Variants in TPD52L2 observed in about 807,000 individuals in gnomAD.
TPD52L2 encodes the protein tumor protein D54.
Under a neutral mutation model 24.7 loss-of-function variants are expected in TPD52L2, and 19 were observed. The ratio of observed to expected loss-of-function variants is 0.77; its 90% CI spans 0.54 to 1.13. The LOEUF is 1.13. Among genes scored for constraint, TPD52L2 ranks in the 50% most tolerant of loss-of-function variants. The pLI is 0.00. For synonymous variants in TPD52L2, 104 were observed against 100.2 expected (o/e 1.04, Z -0.23); for missense variants, 236 against 250.4 (o/e 0.94, Z 0.39).
Position 63,865,374 on chromosome 20 carries a change from C to T in TPD52L2, c.9C>T (p.Ser3=), listed in dbSNP as rs1403738211. Residue 3 remains serine, a synonymous_variant, in exon 1 of 7, where the codon TCC becomes TCT. Transcript: ENST00000346249. ...CCGGACGCCGCCCGAACATGGACTC[C>T]GCCGGCCAAGGTACCTGCCGGGCCC... The part of the protein sequence containing the change: MD[S]AGQDINLNSP... 4 of 1,530,224 alleles carry T rather than the reference C, an allele frequency of 2.6e-6. No individual in the cohort carries two copies. Among genetic ancestry groups the T allele is most frequent in the Admixed American group, 4.0e-5 (2 of 50,344 alleles). The allele number at this position is 1,530,224 out of a possible 1,614,324, so 94.8% of individuals were successfully genotyped here. A position where few individuals can be genotyped will look rare whatever the true frequency, so the allele number is the denominator to read the frequency against.
intron 5 of TPD52L2, among the ~76,000 whole-genome samples, chr20:63,885,336 A>T (rs553938333): frequency 6.5e-4 from 99 of 152,192 alleles, no homozygotes; most frequent in Non-Finnish European, 1.3e-3. Flanking sequence ...GTGGTCTCAG[A>T]TGAGGCATCG....
In TPD52L2 at chr20:63,865,317, C is replaced by T. The variant is rs573187526; in HGVS notation, c.-49C>T. Reference sequence around the variant, plus strand: ...GCGGCGAGCTTCTCCCGGCGCCGCCCGCTCGGCTCCCATAGCGCCCGCGAC... The same window carrying T: ...GCGGCGAGCTTCTCCCGGCGCCGCCTGCTCGGCTCCCATAGCGCCCGCGAC... On this transcript the variant is annotated 5_prime_UTR_variant, in exon 1 of 7. Coordinates refer to ENST00000346249, the MANE Select transcript of TPD52L2 (RefSeq NM_003288.4). The T allele has an allele frequency of 1.1e-5, 17 of 1,501,924 alleles. No homozygotes were observed. Among genetic ancestry groups the T allele is most frequent in the Middle Eastern group, 1.8e-4 (1 of 5,492 alleles). 93.0% of individuals were successfully genotyped at this position (1,501,924 alleles called of 1,614,324 possible). A position where few individuals can be genotyped will look rare whatever the true frequency, so the allele number is the denominator to read the frequency against.
At chr20:63,886,432 C>T (rs555038296) in intron 5 of TPD52L2, among the ~76,000 whole-genome samples, 2 of 151,770 alleles carry the variant, frequency 1.3e-5, no homozygotes, top group East Asian at 3.9e-4. Flanking sequence ...GCGATCTCGG[C>T]TCACTGCAAG....
At position 63,869,323 on chromosome 20, in the gene TPD52L2, G is replaced by A. The variant is rs763250438; in HGVS notation, c.47G>A (p.Gly16Asp). ...ATCAACCTGAATTCTCCTAACAAAG[G>A]TCTGCTGTCTGACTCCATGACGGAT... ...QDINLNSPNK[G>D]LLSDSMTDVP... Residue 16 changes from glycine to aspartate, a missense_variant, in exon 2 of 7, where the codon GGT (glycine) becomes GAT (aspartate). Physicochemically the swap from Gly to Asp is moderately conservative, Grantham distance 94. Coordinates refer to ENST00000346249, the MANE Select transcript of TPD52L2 (RefSeq NM_003288.4). 6.2e-7 allele frequency: 1 copy of A among 1,614,200 alleles called. No homozygotes were observed. Among genetic ancestry groups the A allele is most frequent in the South Asian group, 1.1e-5 (1 of 91,084 alleles).
chr20:63,870,192 T>G (rs149677687), intron 2 of TPD52L2, among the ~76,000 whole-genome samples: 105 of 152,348 alleles, frequency 6.9e-4, no homozygotes, highest in African/African-American at 2.2e-3. Flanking sequence ...GAGAGTCCCT[T>G]AAGAGTAATG....
intron 4 of TPD52L2, 128 bp downstream of exon 4, chr20:63,876,003 A>G: frequency 8.6e-6 from 8 of 934,624 alleles, no homozygotes; most frequent in East Asian, 5.1e-5. Flanking sequence ...TTTTCTTCCT[A>G]TAACTTTTCT....
intron 2 of TPD52L2, among the ~76,000 whole-genome samples, chr20:63,870,909 A>G (rs2052439542): frequency 6.6e-6 from 1 of 151,776 alleles, no homozygotes; most frequent in Non-Finnish European, 1.5e-5. Flanking sequence ...GTAGAGACAG[A>G]GTTTCACCAT....
Position 63,865,271 on chromosome 20 carries a change from G to A in TPD52L2, c.-95G>A. 2.2e-6 allele frequency: 3 copies of A among 1,377,666 alleles called. No individual in the cohort carries two copies. Among genetic ancestry groups the A allele is most frequent in the Non-Finnish European group, 2.9e-6 (3 of 1,050,838 alleles). The allele number at this position is 1,377,666 out of a possible 1,614,324, so 85.3% of individuals were successfully genotyped here. Reference sequence around the variant, plus strand: ...TACGAAACGCCGCGGAGCTGAGGCAGTTCCGCTGGCTAGTGTGTACGCGGC... The same window carrying A: ...TACGAAACGCCGCGGAGCTGAGGCAATTCCGCTGGCTAGTGTGTACGCGGC... On this transcript the variant is annotated 5_prime_UTR_variant, in exon 1 of 7. Coordinates refer to ENST00000346249, the MANE Select transcript of TPD52L2 (RefSeq NM_003288.4).
Position 63,865,315 on chromosome 20 carries a change from C to G in TPD52L2, c.-51C>G. 2.7e-6 allele frequency: 4 copies of G among 1,501,166 alleles called. No homozygotes were observed. Among genetic ancestry groups the G allele is most frequent in the Non-Finnish European group, 3.5e-6 (4 of 1,131,112 alleles). 93.0% of individuals were successfully genotyped at this position (1,501,166 alleles called of 1,614,324 possible). A position where few individuals can be genotyped will look rare whatever the true frequency, so the allele number is the denominator to read the frequency against. On this transcript the variant is annotated 5_prime_UTR_variant, in exon 1 of 7. Coordinates refer to ENST00000346249, the MANE Select transcript of TPD52L2 (RefSeq NM_003288.4). ...ACGCGGCGAGCTTCTCCCGGCGCCG[C>G]CCGCTCGGCTCCCATAGCGCCCGCG... is the stretch of plus-strand genomic sequence containing the variant.
intron 1 of TPD52L2, 68 bp from the exon 2 acceptor site, chr20:63,869,228 A>G: frequency 1.9e-6 from 3 of 1,586,638 alleles, no homozygotes; most frequent in Non-Finnish European, 2.6e-6. Flanking sequence ...GTCCTGCTAG[A>G]GACCTCTACC....
chr20:63,887,319 A>G (rs914481228), intron 5 of TPD52L2: 2 of 620,144 alleles, frequency 3.2e-6, no homozygotes, highest in Non-Finnish European at 2.9e-6. Context: ...ACAGCTTCCT[A>G]TGGCAGTGCT....
At chr20:63,884,802 G>A (rs2053034924) in intron 5 of TPD52L2, among the ~76,000 whole-genome samples, 1 of 152,186 alleles carries the variant, frequency 6.6e-6, no homozygotes, top group South Asian at 2.1e-4. Context: ...CCAGCTGGGG[G>A]AGCGGGGCCT....
intron 1 of TPD52L2, among the ~76,000 whole-genome samples, chr20:63,866,566 A>G (rs1051471735): frequency 2.0e-5 from 3 of 151,470 alleles, no homozygotes; most frequent in Non-Finnish European, 4.4e-5. Context: ...GTTCACTGCC[A>G]TTCTCCTGCT....
rs780139052 is a variant in TPD52L2, at chr20:63,865,323, G to A, written c.-43G>A. ...AGCTTCTCCCGGCGCCGCCCGCTCG[G>A]CTCCCATAGCGCCCGCGACAGCGGT... is the stretch of plus-strand genomic sequence containing the variant. On this transcript the variant is annotated 5_prime_UTR_variant, in exon 1 of 7. Transcript: ENST00000346249. 76 of 1,511,778 alleles carry A rather than the reference G, an allele frequency of 5.0e-5. No individual in the cohort carries two copies. Among genetic ancestry groups the A allele is most frequent in the Non-Finnish European group, 6.2e-6 (7 of 1,135,808 alleles). 93.6% of individuals were successfully genotyped at this position (1,511,778 alleles called of 1,614,324 possible).
In TPD52L2 at chr20:63,877,032, GGT is replaced by G; in HGVS notation, c.374+1158_374+1159del. 1 of 443,352 alleles carries G rather than the reference GGT, an allele frequency of 2.3e-6. No individual in the cohort carries two copies. Among genetic ancestry groups the G allele is most frequent in the Non-Finnish European group, 4.5e-6 (1 of 223,940 alleles). 27.5% of individuals were successfully genotyped at this position (443,352 alleles called of 1,614,324 possible). ...TGCCCTGGGTTTTTTTTGTTTGTTTGGTTTTTTTTTTGAGACAACGTCTCGTT... is the reference window on the plus strand; with the variant it reads ...TGCCCTGGGTTTTTTTTGTTTGTTTGTTTTTTTTTGAGACAACGTCTCGTT... On this transcript the variant is annotated intron_variant, in intron 4 of 6. Transcript: ENST00000346249. The surrounding 1 kb of genome is among the most constrained non-coding windows in gnomAD (Gnocchi z 4.1).
intron 4 of TPD52L2, among the ~76,000 whole-genome samples, chr20:63,881,416 G>A (rs2052894860): frequency 6.6e-6 from 1 of 151,882 alleles, no homozygotes; most frequent in South Asian, 2.1e-4. Flanking sequence ...CCGGGGGCGG[G>A]CATGAGAGAG....
In TPD52L2 at chr20:63,866,686, CCT is replaced by C. The variant is rs561117192; in HGVS notation, c.19+1303_19+1304del. Among the ~76,000 whole-genome samples the C allele has an allele frequency of 6.2e-4, 93 of 151,056 alleles. 2 individuals are homozygous for C. In the South Asian group the frequency reaches 0.019, roughly 32 times the overall value. ...CTGTTAGCCATGACGGTCTTGATACCCTGACCTCGTGATCTGCTTACCTCGGC... is the reference window on the plus strand; with the variant it reads ...CTGTTAGCCATGACGGTCTTGATACCGACCTCGTGATCTGCTTACCTCGGC... On this transcript the variant is annotated intron_variant, in intron 1 of 6. Transcript: ENST00000346249.
At chr20:63,871,680 C>G (rs1267402970) in intron 2 of TPD52L2, among the ~76,000 whole-genome samples, 1 of 148,096 alleles carries the variant, frequency 6.8e-6, no homozygotes, top group Non-Finnish European at 1.5e-5. Flanking sequence ...GTTGCCCAGG[C>G]TGGAGTGGAA....
intron 3 of TPD52L2, among the ~76,000 whole-genome samples, chr20:63,874,138 GC>G (rs766434329): frequency 6.6e-6 from 1 of 150,550 alleles, no homozygotes; most frequent in Admixed American, 6.6e-5. Flanking sequence ...TGCAACCTCT[GC>G]CCCCCGGGTT....
Sources: gnomAD v4.1 joint callset for allele counts (sites outside exome capture counted in the v4.1 genomes callset) on GRCh38, gnomAD v4.1.1 for gene constraint, Gnocchi (gnomAD v3.1) non-coding constraint, MANE v1.5 for transcripts, NCBI Gene and HGNC (gene_info 2026-07-23, HGNC 2026-07-21) for gene names.